SNTG1: variants seen among roughly 807,000 people sequenced by gnomAD.
The protein encoded by SNTG1 is gamma-1-syntrophin.
Under a neutral mutation model 74.7 loss-of-function variants are expected in SNTG1, and 39 were observed. The ratio of observed to expected loss-of-function variants is 0.52; its 90% CI spans 0.40 to 0.68. The LOEUF is 0.68. Among genes scored for constraint, SNTG1 ranks in the 30% least tolerant of loss-of-function variants. The pLI, the probability that SNTG1 is intolerant of heterozygous loss-of-function variation, is 0.00. For synonymous variants in SNTG1, 254 were observed against 217.1 expected (o/e 1.17, Z -1.49); for missense variants, 685 against 609.5 (o/e 1.12, Z -1.30).
intron 17 of SNTG1, among the ~76,000 whole-genome samples, chr8:50,725,102 C>G (rs1200493737): frequency 6.6e-6 from 1 of 152,006 alleles, no homozygotes; most frequent in Non-Finnish European, 1.5e-5. Flanking sequence ...ATCGTTGGAT[C>G]AAAATAAAAA....
intron 13 of SNTG1, among the ~76,000 whole-genome samples, chr8:50,623,328 GTTGAAAAAATTTCCTC>G (rs1235277709): frequency 1.3e-5 from 2 of 152,010 alleles, no homozygotes; most frequent in African/African-American, 4.8e-5. Context: ...CCTTTGCTTT[GTTGAAAAAATTTCCTC>G]TTTGGCTTCT....
At chr8:50,574,901 G>A (rs2094568378) in intron 12 of SNTG1, among the ~76,000 whole-genome samples, 1 of 152,118 alleles carries the variant, frequency 6.6e-6, no homozygotes, top group Admixed American at 6.5e-5. Flanking sequence ...TGACAACAAT[G>A]TGTGAAAGTA....
chr8:50,603,421 G>T (rs747819619), intron 13 of SNTG1, among the ~76,000 whole-genome samples: 2 of 152,174 alleles, frequency 1.3e-5, no homozygotes, highest in African/African-American at 4.8e-5. Flanking sequence ...TCTCTGTGTT[G>T]TCTTAAATCG....
intron 2 of SNTG1, among the ~76,000 whole-genome samples, chr8:50,327,899 A>G (rs1563903143): frequency 1.3e-5 from 2 of 152,178 alleles, no homozygotes; most frequent in South Asian, 2.1e-4. Context: ...GCAACTTCAA[A>G]TAACTACTTC....
chr8:50,196,394 T>C (rs1219838728), intron 2 of SNTG1, among the ~76,000 whole-genome samples: 1 of 152,182 alleles, frequency 6.6e-6, no homozygotes, highest in East Asian at 1.9e-4. Flanking sequence ...TGAATAATCA[T>C]GATTATTAAA....
intron 17 of SNTG1, among the ~76,000 whole-genome samples, chr8:50,715,757 A>T (rs1181996444): frequency 2.0e-5 from 3 of 152,218 alleles, no homozygotes; most frequent in Non-Finnish European, 4.4e-5. Flanking sequence ...ATTAAGAGGC[A>T]ATCAACGTAA....
chr8:50,642,953 T>C (rs981099364), intron 13 of SNTG1, among the ~76,000 whole-genome samples: 6 of 152,224 alleles, frequency 3.9e-5, no homozygotes, highest in Middle Eastern at 3.4e-3. Flanking sequence ...TTGGAGAGAA[T>C]GGGAGATGGA....
chr8:50,343,626 A>G (rs571229803), intron 2 of SNTG1, among the ~76,000 whole-genome samples: 17 of 152,198 alleles, frequency 1.1e-4, no homozygotes, highest in Non-Finnish European at 1.8e-4. Context: ...ATTTGGAAAG[A>G]TAAGATTTGG....
At chr8:50,775,668 T>C (rs1489698361) in intron 18 of SNTG1, among the ~76,000 whole-genome samples, 3 of 151,694 alleles carry the variant, frequency 2.0e-5, no homozygotes, top group Non-Finnish European at 4.4e-5. Flanking sequence ...TACATTCCTG[T>C]TGATGTTCTG....
chr8:50,312,170 A>C (rs1427942184), intron 2 of SNTG1, among the ~76,000 whole-genome samples: 1 of 152,156 alleles, frequency 6.6e-6, no homozygotes, highest in East Asian at 1.9e-4. Context: ...AAAATATAAA[A>C]ATTTAATAGT....
intron 1 of SNTG1, among the ~76,000 whole-genome samples, chr8:50,037,829 A>C (rs1818292330): frequency 6.6e-6 from 1 of 152,246 alleles, no homozygotes; most frequent in African/African-American, 2.4e-5. Context: ...TCATAATTAA[A>C]GTAATAATAA....
In SNTG1 at chr8:50,417,812, T is replaced by G. The variant is rs11988979; in HGVS notation, c.162+15468T>G. ...ACCTTCCTGGACTTGTGACCTTATG[T>G]GTTTTCTCCCTTTCCATTACCACAG... On this transcript the variant is annotated intron_variant, in intron 4 of 18. Transcript: ENST00000642720. Among the ~76,000 whole-genome samples the G allele has an allele frequency of 9.1e-3, 1,382 of 152,264 alleles. 27 individuals are homozygous for G. Among genetic ancestry groups the G allele is most frequent in the African/African-American group, 0.032 (1,310 of 41,564 alleles).
intron 8 of SNTG1, among the ~76,000 whole-genome samples, chr8:50,493,967 GC>G (rs777712039): frequency 1.8e-4 from 27 of 151,712 alleles, no homozygotes; most frequent in Non-Finnish European, 3.1e-4. Flanking sequence ...ATTAAAGAGA[GC>G]CCTAAGTTGG....
chr8:49,995,758 C>T (rs1814150094), intron 1 of SNTG1, among the ~76,000 whole-genome samples: 1 of 152,188 alleles, frequency 6.6e-6, no homozygotes, highest in Admixed American at 6.5e-5. Context: ...CTGTGTGGGT[C>T]ACCCTCCATG....
chr8:49,973,494 C>T (rs1193388002), intron 1 of SNTG1, among the ~76,000 whole-genome samples: 1 of 151,178 alleles, frequency 6.6e-6, no homozygotes, highest in African/African-American at 2.4e-5. Context: ...GCACATGTAC[C>T]CTAAAAGTTA....
rs59121229 is a variant in SNTG1, at chr8:50,476,857, G to GACACACACACACACACAC, written c.364-25909_364-25892dup. Among the ~76,000 whole-genome samples the GACACACACACACACACAC allele has an allele frequency of 4.1e-3, 597 of 145,960 alleles. 5 individuals carry two copies. Among genetic ancestry groups the GACACACACACACACACAC allele is most frequent in the Admixed American group, 7.6e-3 (110 of 14,408 alleles). On this transcript the variant is annotated intron_variant, in intron 8 of 18. Coordinates refer to ENST00000642720, the MANE Select transcript of SNTG1 (RefSeq NM_018967.5). ...ACAAAATGAGCCTGTGACACACACA[G>GACACACACACACACACAC]ACACACACACACACACACACACACA... is the stretch of plus-strand genomic sequence containing the variant.
At chr8:50,252,690 C>A (rs1765674849) in intron 2 of SNTG1, among the ~76,000 whole-genome samples, 1 of 152,030 alleles carries the variant, frequency 6.6e-6, no homozygotes, top group South Asian at 2.1e-4. Context: ...ATGCCACGTT[C>A]TTTTAAACAA....
At chr8:50,020,779 G>C (rs1413122079) in intron 1 of SNTG1, among the ~76,000 whole-genome samples, 1 of 152,094 alleles carries the variant, frequency 6.6e-6, no homozygotes, top group Non-Finnish European at 1.5e-5. Context: ...GTTATAAATG[G>C]ACGATCCAAT....
chr8:50,244,830 A>G (rs2086321065), intron 2 of SNTG1, among the ~76,000 whole-genome samples: 1 of 152,324 alleles, frequency 6.6e-6, no homozygotes, highest in South Asian at 2.1e-4. Flanking sequence ...CGATCACAGA[A>G]TAGATGCTAG....
Sources: gnomAD v4.1 joint callset for allele counts (sites outside exome capture counted in the v4.1 genomes callset) on GRCh38, gnomAD v4.1.1 for gene constraint, MANE v1.5 for transcripts, NCBI Gene and HGNC (gene_info 2026-07-23, HGNC 2026-07-21) for gene names.